EXOC4: variants seen among roughly 807,000 people sequenced by gnomAD.
EXOC4 encodes the protein SEC8-like 1.
Under a neutral mutation model 107.2 loss-of-function variants are expected in EXOC4, and 71 were observed. That is an observed-to-expected ratio of 0.66 (90% CI 0.55 to 0.81). The LOEUF (loss-of-function observed/expected upper bound fraction) is 0.81. Ranked by LOEUF, EXOC4 falls within the 30% of genes least tolerant of loss-of-function variation. The pLI is 0.00. For synonymous variants in EXOC4, 456 were observed against 441.2 expected (o/e 1.03, Z -0.42); for missense variants, 1,108 against 1,189.6 (o/e 0.93, Z 1.01).
chr7:133,591,258 C>T (rs969392149), intron 9 of EXOC4, among the ~76,000 whole-genome samples: 3 of 152,140 alleles, frequency 2.0e-5, no homozygotes, highest in African/African-American at 7.2e-5. Context: ...CCTCAAACTC[C>T]TGGACTCAAA....
At chr7:133,928,018 A>G (rs1800090198) in intron 13 of EXOC4, among the ~76,000 whole-genome samples, 1 of 152,230 alleles carries the variant, frequency 6.6e-6, no homozygotes, top group Non-Finnish European at 1.5e-5. Flanking sequence ...ATGCTAGTGT[A>G]TTTGGACAAT....
intron 17 of EXOC4, among the ~76,000 whole-genome samples, chr7:134,058,999 G>A (rs553634609): frequency 6.6e-6 from 1 of 152,272 alleles, no homozygotes; most frequent in African/African-American, 2.4e-5. Flanking sequence ...AACCCAGCAT[G>A]AGACGTAGCT....
At chr7:133,995,690 A>T (rs981216251) in intron 14 of EXOC4, among the ~76,000 whole-genome samples, 1 of 152,146 alleles carries the variant, frequency 6.6e-6, no homozygotes, top group African/African-American at 2.4e-5. Flanking sequence ...CTCACCCATC[A>T]GTTCCCTTGA....
At chr7:133,544,869 G>A (rs756308475) in intron 9 of EXOC4, among the ~76,000 whole-genome samples, 3 of 149,190 alleles carry the variant, frequency 2.0e-5, no homozygotes, top group Non-Finnish European at 3.0e-5. Context: ...GTTTTTCAGG[G>A]CTCTTTGTAT....
intron 10 of EXOC4, among the ~76,000 whole-genome samples, chr7:133,721,517 C>G (rs537775923): frequency 6.6e-6 from 1 of 152,144 alleles, no homozygotes; most frequent in African/African-American, 2.4e-5. Flanking sequence ...AGACATAGGC[C>G]AGTTTAAGAT....
At chr7:133,290,744 A>T (rs1053872499) in intron 3 of EXOC4, 6 of 152,080 alleles carry the variant, frequency 3.9e-5, no homozygotes, top group Non-Finnish European at 8.8e-5. Flanking sequence ...TTTTTCTGAC[A>T]TATTTTCCTC....
chr7:133,509,651 G>A (rs1799730678), intron 9 of EXOC4, among the ~76,000 whole-genome samples: 1 of 152,132 alleles, frequency 6.6e-6, no homozygotes. Flanking sequence ...GACCACAGAC[G>A]AACATTTCCA....
At chr7:133,410,206 C>G (rs1797325099) in intron 7 of EXOC4, among the ~76,000 whole-genome samples, 1 of 152,090 alleles carries the variant, frequency 6.6e-6, no homozygotes, top group East Asian at 1.9e-4. Flanking sequence ...ATAATAATGT[C>G]TTGGACATGT....
chr7:134,028,835 A>G (rs1256262956), intron 17 of EXOC4, among the ~76,000 whole-genome samples: 1 of 152,224 alleles, frequency 6.6e-6, no homozygotes, highest in Non-Finnish European at 1.5e-5. Context: ...TGTTGGGGCC[A>G]CTTACACGTA....
chr7:134,005,085 T>G lies in EXOC4; in HGVS notation c.2522T>G (p.Phe841Cys). Residue 841 changes from phenylalanine (F) to cysteine (C), a missense_variant, in exon 16 of 18, where the codon TTC (phenylalanine) becomes TGC (cysteine). By Grantham distance (205) the Phe-to-Cys change is radical (BLOSUM62 -2). Coordinates refer to ENST00000253861, the MANE Select transcript of EXOC4 (RefSeq NM_021807.4). The part of the protein sequence containing the change: ...SLQQHKFQYI[F>C]EGLGHLISCI... ...CAGCAGCACAAGTTCCAGTATATCT[T>G]CGAAGGTCAGACCCTGCTTCTGTCT... is the stretch of plus-strand genomic sequence containing the variant. The G allele has an allele frequency of 6.2e-7, 1 of 1,612,524 alleles. No homozygotes were observed. Among genetic ancestry groups the G allele is most frequent in the Non-Finnish European group, 8.5e-7 (1 of 1,179,174 alleles).
chr7:133,480,676 A>C lies in EXOC4; in HGVS notation c.1417+538A>C, dbSNP rs1043013863. ...TGAAGAAGAAAATATTTAGAAAATAAATTAAATATAAATAAATATATTAGA... is the reference window on the plus strand; with the variant it reads ...TGAAGAAGAAAATATTTAGAAAATACATTAAATATAAATAAATATATTAGA... On this transcript the variant is annotated intron_variant, in intron 9 of 17. Transcript: ENST00000253861. 3 of 152,714 alleles carry C rather than the reference A, an allele frequency of 2.0e-5. 1 individual carries two copies. The highest frequency in any genetic ancestry group is 7.2e-5 in the African/African-American group (3 of 41,462). 9.5% of individuals were successfully genotyped at this position (152,714 alleles called of 1,614,324 possible).
intron 9 of EXOC4, among the ~76,000 whole-genome samples, chr7:133,574,771 A>C (rs1452750178): frequency 6.6e-6 from 1 of 152,200 alleles, no homozygotes; most frequent in Non-Finnish European, 1.5e-5. Context: ...CTTTCTCATT[A>C]TAACTTTGTC....
chr7:133,961,280 C>CTTTTTTTTTT lies in EXOC4; in HGVS notation c.2206+23226_2206+23235dup, dbSNP rs34400471. 1.4e-3 allele frequency among the ~76,000 whole-genome samples: 108 copies of CTTTTTTTTTT among 77,014 alleles called. 4 individuals are homozygous for CTTTTTTTTTT. The highest frequency in any genetic ancestry group is 1.7e-3 in the Non-Finnish European group (78 of 45,152). The allele number at this position is 77,014 out of a possible 152,430, so 50.5% of individuals were successfully genotyped here. ...TTAAACCAATGAGACTCATGTCAAA[C>CTTTTTTTTTT]TTTTTTTTTTTTTTTTTTTTTTTTG... is the stretch of plus-strand genomic sequence containing the variant. On this transcript the variant is annotated intron_variant, in intron 14 of 17. Transcript: ENST00000253861.
intron 11 of EXOC4, among the ~76,000 whole-genome samples, chr7:133,895,353 A>G (rs113881491): frequency 0.012 from 1,778 of 151,654 alleles, 40 homozygotes; most frequent in African/African-American, 0.041. Flanking sequence ...AGATGAACCC[A>G]GTACCTCAGA....
chr7:134,100,366 G>A, the EXOC4 span, among the ~76,000 whole-genome samples: 1 of 128,576 alleles, frequency 7.8e-6, no homozygotes, highest in Non-Finnish European at 1.7e-5. Flanking sequence ...CTCGCCTCCA[G>A]AACTGTGAGA....
At chr7:133,696,124 A>G (rs2430776) in intron 10 of EXOC4, among the ~76,000 whole-genome samples, 150,386 of 152,318 alleles carry the variant, frequency 0.99, 74,276 homozygotes, top group Middle Eastern at 1. Flanking sequence ...TGAGGTGCTC[A>G]TTAAACAGAT....
rs143340255 is a variant in EXOC4 at position 133,356,928 on chromosome 7, C to T, written c.1007+355C>T. On this transcript the variant is annotated intron_variant, in intron 6 of 17. Transcript: ENST00000253861. The stretch of plus-strand genomic sequence containing the variant: ...GCAGGAGGCGGAGGTTGCAGTGAGC[C>T]GAGATTGCACCATTGCTCTCCGGCC... Among the ~76,000 whole-genome samples, 1,088 of 152,246 alleles carry T rather than the reference C, an allele frequency of 7.1e-3. 15 individuals are homozygous for T. Among genetic ancestry groups the T allele is most frequent in the African/African-American group, 0.025 (1,029 of 41,556 alleles).
At chr7:133,364,699 A>C (rs1263622915) in intron 6 of EXOC4, among the ~76,000 whole-genome samples, 2 of 152,162 alleles carry the variant, frequency 1.3e-5, no homozygotes, top group Non-Finnish European at 2.9e-5. Context: ...TAACATCACA[A>C]ACATCATAGA....
chr7:133,752,249 A>T (rs1434274588), intron 10 of EXOC4, among the ~76,000 whole-genome samples: 1 of 152,142 alleles, frequency 6.6e-6, no homozygotes, highest in African/African-American at 2.4e-5. Flanking sequence ...GTTTCTCAGC[A>T]CTTAAGAATT....
Sources: allele counts gnomAD v4.1 joint callset (sites outside exome capture counted in the v4.1 genomes callset), GRCh38; gene constraint gnomAD v4.1.1; transcripts MANE v1.5; gene names NCBI Gene and HGNC (gene_info 2026-07-23, HGNC 2026-07-21).